NRG1: variants seen among roughly 807,000 people sequenced by gnomAD.
NRG1 encodes the protein neuregulin 1.
Under a neutral mutation model 63.8 loss-of-function variants are expected in NRG1, and 18 were observed. That is an observed-to-expected ratio of 0.28 (90% CI 0.19 to 0.42). The LOEUF (loss-of-function observed/expected upper bound fraction) is 0.42. Among genes scored for constraint, NRG1 ranks in the 10% least tolerant of loss-of-function variants. The pLI, the probability that NRG1 is intolerant of heterozygous loss-of-function variation, is 1.00. For synonymous variants in NRG1, 302 were observed against 301.3 expected (o/e 1.00, Z -0.02); for missense variants, 762 against 814.7 (o/e 0.94, Z 0.79).
At chr8:32,262,385 C>A (rs897205629) in intron 1 of NRG1, among the ~76,000 whole-genome samples, 1 of 152,062 alleles carries the variant, frequency 6.6e-6, no homozygotes, top group Non-Finnish European at 1.5e-5. Context: ...GGAGACCCCC[C>A]CAAAAAATGC....
chr8:31,927,382 T>A (rs1391447577), intron 1 of NRG1, among the ~76,000 whole-genome samples: 1 of 152,148 alleles, frequency 6.6e-6, no homozygotes, highest in Non-Finnish European at 1.5e-5. Flanking sequence ...TCTGAATTTT[T>A]TTTTCCTTTT....
chr8:31,716,931 A>G (rs1812406053), intron 1 of NRG1, among the ~76,000 whole-genome samples: 1 of 152,250 alleles, frequency 6.6e-6, no homozygotes, highest in South Asian at 2.1e-4. Context: ...TCATGGGTTA[A>G]AGAAAAGAAA....
intron 1 of NRG1, among the ~76,000 whole-genome samples, chr8:32,486,082 C>G (rs946652488): frequency 1.3e-5 from 2 of 152,020 alleles, no homozygotes; most frequent in Admixed American, 6.6e-5. Context: ...CGCTCCCCCC[C>G]TCCCCATGCC....
chr8:32,158,447 T>TGATA lies in NRG1; in HGVS notation c.38-437380_38-437377dup, dbSNP rs1352331622. On this transcript the variant is annotated intron_variant, in intron 1 of 10. Coordinates refer to the NRG1 transcript ENST00000519301. ...TTCGTTTCTCTTTGTTTGGTTTACATGATATATATATATATATATATATAT... is the reference window on the plus strand; with the variant it reads ...TTCGTTTCTCTTTGTTTGGTTTACATGATAGATATATATATATATATATATATAT... Among the ~76,000 whole-genome samples, 67 of 30,206 alleles carry TGATA rather than the reference T, an allele frequency of 2.2e-3. 1 individual carries two copies. The highest frequency in any genetic ancestry group is 9.3e-3 in the South Asian group (11 of 1,186). The allele number at this position is 30,206 out of a possible 152,430, so 19.8% of individuals were successfully genotyped here.
At chr8:31,682,044 C>G (rs1452293523) in intron 1 of NRG1, among the ~76,000 whole-genome samples, 1 of 152,106 alleles carries the variant, frequency 6.6e-6, no homozygotes. Flanking sequence ...TGACATGTAT[C>G]TGTCATTGTA....
chr8:32,345,223 T>C (rs761932578), intron 1 of NRG1, among the ~76,000 whole-genome samples: 27 of 152,240 alleles, frequency 1.8e-4, no homozygotes, highest in Admixed American at 7.9e-4. Flanking sequence ...TCTTCCATTG[T>C]GCAAGCACTT....
At chr8:32,047,501 A>G (rs1021494875) in intron 1 of NRG1, among the ~76,000 whole-genome samples, 1 of 152,072 alleles carries the variant, frequency 6.6e-6, no homozygotes, top group African/African-American at 2.4e-5. Flanking sequence ...GTGTGCATCA[A>G]TTATACCATG....
At chr8:32,718,269 A>G (rs1819749412) in intron 5 of NRG1, among the ~76,000 whole-genome samples, 1 of 152,212 alleles carries the variant, frequency 6.6e-6, no homozygotes, top group Non-Finnish European at 1.5e-5. Context: ...CCTTTGAAAG[A>G]GGTGTAGTAC....
At chr8:32,380,850 A>T (rs1453530108) in intron 1 of NRG1, among the ~76,000 whole-genome samples, 1 of 152,232 alleles carries the variant, frequency 6.6e-6, no homozygotes, top group Non-Finnish European at 1.5e-5. Context: ...ATTTGTAAAG[A>T]TAAAGTCAGT....
intron 1 of NRG1, among the ~76,000 whole-genome samples, chr8:31,968,154 T>C (rs878886534): frequency 1.3e-5 from 2 of 151,910 alleles, no homozygotes; most frequent in African/African-American, 4.8e-5. Flanking sequence ...AAAAAAGAAA[T>C]GAATAAAGAA....
chr8:32,558,333 A>G (rs192287968), intron 1 of NRG1, among the ~76,000 whole-genome samples: 2 of 150,684 alleles, frequency 1.3e-5, no homozygotes, highest in South Asian at 2.1e-4. Flanking sequence ...CCCAGTGAAA[A>G]CCCCACTTCT....
rs554576300 is a variant in NRG1 at position 31,786,233 on chromosome 8, A to G, written c.37+146802A>G. On this transcript the variant is annotated intron_variant, in intron 1 of 10. Transcript: ENST00000519301. ...ATAAACAAGGAAAAGTACATTCTCC[A>G]TGCTGCATATGTGTGGCTTAGGCCC... 9.8e-5 allele frequency among the ~76,000 whole-genome samples: 15 copies of G among 152,344 alleles called. No homozygotes were observed. The East Asian group carries it at 2.3e-3, about 23-fold the overall frequency.
chr8:32,235,256 A>G (rs927439030), intron 1 of NRG1, among the ~76,000 whole-genome samples: 2 of 125,648 alleles, frequency 1.6e-5, no homozygotes, highest in Admixed American at 8.5e-5. Flanking sequence ...AAAAAAAAAA[A>G]AAGAGCCGGG....
intron 1 of NRG1, chr8:32,442,496 G>C (rs564676400): frequency 6.6e-6 from 1 of 152,200 alleles, no homozygotes; most frequent in African/African-American, 2.4e-5. Context: ...CACTCAGGGC[G>C]CAGAACAATG....
At chr8:32,220,982 A>C (rs1340282483) in intron 1 of NRG1, 1 of 152,220 alleles carries the variant, frequency 6.6e-6, no homozygotes, top group Non-Finnish European at 1.5e-5. Flanking sequence ...TGAAAACGTG[A>C]TTTTAAAAAA....
At chr8:32,696,927 G>C (rs1443509904) in intron 5 of NRG1, among the ~76,000 whole-genome samples, 1 of 152,134 alleles carries the variant, frequency 6.6e-6, no homozygotes, top group East Asian at 1.9e-4. Flanking sequence ...TTCCCAAAGT[G>C]CTGGGATTAC....
intron 1 of NRG1, among the ~76,000 whole-genome samples, chr8:31,894,197 T>C (rs1563535736): frequency 6.6e-6 from 1 of 152,184 alleles, no homozygotes; most frequent in Non-Finnish European, 1.5e-5. Flanking sequence ...CAACAAAATG[T>C]TAAGGACTTG....
At chr8:32,499,642 C>T (rs1236309724) in intron 1 of NRG1, among the ~76,000 whole-genome samples, 1 of 152,066 alleles carries the variant, frequency 6.6e-6, no homozygotes, top group African/African-American at 2.4e-5. Flanking sequence ...CCACTGCCCT[C>T]CAGCCTGGGC....
intron 1 of NRG1, among the ~76,000 whole-genome samples, chr8:31,858,705 A>T (rs566380362): frequency 4.6e-5 from 7 of 152,194 alleles, no homozygotes; most frequent in Non-Finnish European, 8.8e-5. Flanking sequence ...TCTGGGAAGG[A>T]TGTTCAGCAA....
Sources: allele counts gnomAD v4.1 joint callset (sites outside exome capture counted in the v4.1 genomes callset), GRCh38; gene constraint gnomAD v4.1.1; transcripts MANE v1.5; gene names NCBI Gene and HGNC (gene_info 2026-07-23, HGNC 2026-07-21).